SSU72: variants seen among roughly 807,000 people sequenced by gnomAD.
The protein encoded by SSU72 is SSU72 homolog, RNA polymerase II CTD phosphatase.
SSU72 carries 12 observed loss-of-function variants against 22.7 expected under a neutral mutation model. The observed-to-expected ratio is 0.53, with a 90% CI of 0.34 to 0.86. SSU72 has a LOEUF of 0.86. Ranked by LOEUF, SSU72 falls within the 40% of genes least tolerant of loss-of-function variation. SSU72 has a pLI of 0.02. For synonymous variants in SSU72, 116 were observed against 98.3 expected (o/e 1.18, Z -1.06); for missense variants, 151 against 249.8 (o/e 0.60, Z 2.67).
chr1:1,574,725 G>A lies in SSU72; in HGVS notation c.-168C>T. The A allele has an allele frequency of 2.0e-6, 1 of 510,368 alleles. No individual in the cohort carries two copies. Among genetic ancestry groups the A allele is most frequent in the South Asian group, 5.2e-5 (1 of 19,128 alleles). The allele number at this position is 510,368 out of a possible 1,614,324, so 31.6% of individuals were successfully genotyped here. A position where few individuals can be genotyped will look rare whatever the true frequency, so the allele number is the denominator to read the frequency against. On this transcript the variant is annotated 5_prime_UTR_variant, in exon 1 of 5. Transcript: ENST00000291386. ...CGCGGCGGCCTCCCCGCCCACCCTG[G>A]GCGCCGGGCCGCGGACGGAGCGCAG...
chr1:1,552,421 AC>A (rs1303693767), intron 2 of SSU72, among the ~76,000 whole-genome samples: 1 of 151,816 alleles, frequency 6.6e-6, no homozygotes, highest in African/African-American at 2.4e-5. Context: ...CCTGCCTGGG[AC>A]CCCCTTCGAT....
Position 1,554,185 on chromosome 1 carries a change from C to G in SSU72, c.225-9183G>C, listed in dbSNP as rs1642489080. On this transcript the variant is annotated intron_variant, in intron 2 of 4. Coordinates refer to ENST00000291386, the MANE Select transcript of SSU72 (RefSeq NM_014188.3). The surrounding 1 kb of genome is among the most constrained non-coding windows in gnomAD (Gnocchi z 4.1). Reference sequence around the variant, plus strand: ...GATCCGGACCACTAAGGGGTCCCCACGAAGCTGAGCACGAGGCGGATCCGG... The same window carrying G: ...GATCCGGACCACTAAGGGGTCCCCAGGAAGCTGAGCACGAGGCGGATCCGG... Among the ~76,000 whole-genome samples the G allele has an allele frequency of 6.9e-6, 1 of 144,708 alleles. No individual in the cohort carries two copies. Among genetic ancestry groups the G allele is most frequent in the African/African-American group, 2.6e-5 (1 of 39,178 alleles). 94.9% of individuals were successfully genotyped at this position (144,708 alleles called of 152,430 possible).
chr1:1,563,109 G>A (rs928759238), intron 2 of SSU72: 3 of 152,336 alleles, frequency 2.0e-5, no homozygotes, highest in African/African-American at 7.2e-5. Flanking sequence ...ACTGGCAGAG[G>A]AGACAGCAGG....
intron 2 of SSU72, among the ~76,000 whole-genome samples, chr1:1,558,410 G>GA (rs1416339698): frequency 6.6e-6 from 1 of 151,894 alleles, no homozygotes; most frequent in Non-Finnish European, 1.5e-5. Context: ...AACGTCATTA[G>GA]AAAAAATTAG....
Position 1,543,796 on chromosome 1 carries a change from C to T in SSU72, c.483+73G>A, listed in dbSNP as rs1011221711. ...CCCTCTGTCACGGCCTCGGCCACTC[C>T]CCTCTGTCACGGCCTCGGTCACTCC... On this transcript the variant is annotated intron_variant, in intron 4 of 4. Coordinates refer to ENST00000291386, the MANE Select transcript of SSU72 (RefSeq NM_014188.3). 3 of 1,292,992 alleles carry T rather than the reference C, an allele frequency of 2.3e-6. No homozygotes were observed. The African/African-American group carries it at 4.4e-5, about 19-fold the overall frequency. 80.1% of individuals were successfully genotyped at this position (1,292,992 alleles called of 1,614,324 possible). A position where few individuals can be genotyped will look rare whatever the true frequency, so the allele number is the denominator to read the frequency against.
intron 1 of SSU72, among the ~76,000 whole-genome samples, chr1:1,569,849 G>A (rs1642707576): frequency 6.6e-6 from 1 of 152,160 alleles, no homozygotes; most frequent in South Asian, 2.1e-4. Flanking sequence ...TAGCTACTGT[G>A]CCTGCTCAGT....
intron 2 of SSU72, among the ~76,000 whole-genome samples, chr1:1,558,728 G>C (rs1054488689): frequency 1.3e-5 from 2 of 152,194 alleles, no homozygotes; most frequent in Non-Finnish European, 2.9e-5. Flanking sequence ...CCCTGGAGCG[G>C]GGGAACTGTC....
chr1:1,553,149 T>A lies in SSU72; in HGVS notation c.225-8147A>T, dbSNP rs549814289. The stretch of plus-strand genomic sequence containing the variant: ...CTTGGAGGAAAGCCGGTCTCTGCAC[T>A]GTGGCCCCATGGTGTCCGGCTTCAC... On this transcript the variant is annotated intron_variant, in intron 2 of 4. Coordinates refer to ENST00000291386, the MANE Select transcript of SSU72 (RefSeq NM_014188.3). Among the ~76,000 whole-genome samples the A allele has an allele frequency of 2.0e-5, 3 of 152,240 alleles. No individual in the cohort carries two copies. In the East Asian group the frequency reaches 5.8e-4, roughly 29 times the overall value.
intron 1 of SSU72, among the ~76,000 whole-genome samples, chr1:1,568,539 G>A (rs1000340266): frequency 6.6e-6 from 1 of 151,270 alleles, no homozygotes; most frequent in Non-Finnish European, 1.5e-5. Context: ...GGGAGGTGGA[G>A]GTCGCAGTGG....
chr1:1,560,215 T>G (rs1189188763), intron 2 of SSU72, among the ~76,000 whole-genome samples: 5 of 152,024 alleles, frequency 3.3e-5, no homozygotes, highest in Non-Finnish European at 7.4e-5. Flanking sequence ...ACAAGAGTCT[T>G]GTTCTCTTCC....
rs565605548 is a variant in SSU72, at chr1:1,574,211, A to G, written c.80+267T>C. Among the ~76,000 whole-genome samples, 5 of 151,384 alleles carry G rather than the reference A, an allele frequency of 3.3e-5. No homozygotes were observed. In the East Asian group the frequency reaches 7.9e-4, roughly 24 times the overall value. On this transcript the variant is annotated intron_variant, in intron 1 of 4. Transcript: ENST00000291386. ...CGCGCAGCCCCTCGCCGCGGACGCT[A>G]CCCTCGCCCCCCGGGCCCGGCCTCG...
chr1:1,563,644 G>C (rs1319560809), intron 2 of SSU72: 1 of 152,166 alleles, frequency 6.6e-6, no homozygotes, highest in East Asian at 1.9e-4. Flanking sequence ...CTGAAGTCAG[G>C]AGTTTAAGAC....
Position 1,572,038 on chromosome 1 carries a change from A to G in SSU72, c.80+2440T>C, listed in dbSNP as rs969019253. ...TCTCGATCTCCTGACCTCGTGATCC[A>G]CCTGCCTCGGCCTCCCAAAGTGCTG... On this transcript the variant is annotated intron_variant, in intron 1 of 4. Transcript: ENST00000291386. 2.1e-3 allele frequency among the ~76,000 whole-genome samples: 314 copies of G among 149,592 alleles called. 3 individuals carry two copies. The highest frequency in any genetic ancestry group is 7.5e-3 in the African/African-American group (307 of 40,744).
intron 1 of SSU72, among the ~76,000 whole-genome samples, chr1:1,569,997 C>A (rs1273420279): frequency 6.6e-6 from 1 of 152,080 alleles, no homozygotes; most frequent in Non-Finnish European, 1.5e-5. Flanking sequence ...TTTTTAACGC[C>A]TAAAAGACTC....
chr1:1,569,983 A>G (rs149783140), intron 1 of SSU72, among the ~76,000 whole-genome samples: 137 of 152,236 alleles, frequency 9.0e-4, no homozygotes, highest in African/African-American at 3.2e-3. Context: ...CGCTTTTCAC[A>G]TCATTTTTAA....
At chr1:1,556,791 C>CT (rs1008837444) in intron 2 of SSU72, among the ~76,000 whole-genome samples, 1 of 152,182 alleles carries the variant, frequency 6.6e-6, no homozygotes, top group Non-Finnish European at 1.5e-5. Flanking sequence ...CTGCTGCAGA[C>CT]TAGGTGAAAA....
intron 2 of SSU72, among the ~76,000 whole-genome samples, chr1:1,551,837 A>G (rs960718276): frequency 2.2e-4 from 33 of 152,306 alleles, no homozygotes; most frequent in African/African-American, 7.0e-4. Context: ...TGCTCACCCC[A>G]TGCAGGCAGG....
In SSU72 at chr1:1,544,071, C is replaced by T. The variant is rs111570453; in HGVS notation, c.365-84G>A. 5.4e-3 allele frequency: 5,611 copies of T among 1,046,094 alleles called. 199 individuals are homozygous for T. The African/African-American group carries it at 0.078, about 15-fold the overall frequency. 64.8% of individuals were successfully genotyped at this position (1,046,094 alleles called of 1,614,324 possible). On this transcript the variant is annotated intron_variant, in intron 3 of 4. Transcript: ENST00000291386. The stretch of plus-strand genomic sequence containing the variant: ...AATGTGGCTGAGTCCCCAGCTCTGC[C>T]GGCTGCAGGCCCAGCCCAGCCCCAG...
Position 1,542,579 on chromosome 1 carries a change from G to GC in SSU72, c.484-413dup, listed in dbSNP as rs1642336505. On this transcript the variant is annotated intron_variant, in intron 4 of 4. Coordinates refer to ENST00000291386, the MANE Select transcript of SSU72 (RefSeq NM_014188.3). The surrounding 1 kb of genome is among the most constrained non-coding windows in gnomAD (Gnocchi z 4.4). The stretch of plus-strand genomic sequence containing the variant: ...AGCATCCTGGCCTCCATCCACCAGA[G>GC]CCCCTGGCAGAGGGCCGCTGCCCCA... Among the ~76,000 whole-genome samples, 1 of 152,150 alleles carries GC rather than the reference G, an allele frequency of 6.6e-6. No individual in the cohort carries two copies. Among genetic ancestry groups the GC allele is most frequent in the African/African-American group, 2.4e-5 (1 of 41,440 alleles).
Sources: gnomAD v4.1 joint callset for allele counts (sites outside exome capture counted in the v4.1 genomes callset) on GRCh38, gnomAD v4.1.1 for gene constraint, Gnocchi (gnomAD v3.1) non-coding constraint, MANE v1.5 for transcripts, NCBI Gene and HGNC (gene_info 2026-07-23, HGNC 2026-07-21) for gene names.